The following TBCK variants were observed in gnomAD, a reference collection of about 807,000 sequenced individuals.
The protein encoded by TBCK is TBC domain-containing protein kinase-like protein.
In TBCK, 99 loss-of-function variants were observed where a neutral mutation model predicts 113.4. That is an observed-to-expected ratio of 0.87 (90% CI 0.74 to 1.03). The LOEUF (loss-of-function observed/expected upper bound fraction) is 1.03. Ranked by LOEUF, TBCK falls within the 50% of genes least tolerant of loss-of-function variation. TBCK has a pLI of 0.00. For synonymous variants in TBCK, 369 were observed against 370.8 expected (o/e 1.00, Z 0.05); for missense variants, 1,045 against 1,061.3 (o/e 0.98, Z 0.21).
At chr4:106,290,304 GGTA>G (rs1217605253) in intron 3 of TBCK, among the ~76,000 whole-genome samples, 1 of 151,822 alleles carries the variant, frequency 6.6e-6, no homozygotes, top group Non-Finnish European at 1.5e-5. Context: ...CAGCCTCCTG[GGTA>G]GCTGGGACTA....
In TBCK at chr4:106,232,935, T is replaced by C; in HGVS notation, c.1639+3A>G. Reference sequence around the variant, plus strand: ...GAGGAGTTTTAATGACTACAAAAGTTACCTTGCCAATACACAAGATCAGGA... The same window carrying C: ...GAGGAGTTTTAATGACTACAAAAGTCACCTTGCCAATACACAAGATCAGGA... On this transcript the variant is annotated splice_donor_region_variant and intron_variant, in intron 17 of 25. Coordinates refer to ENST00000394708, the MANE Select transcript of TBCK (RefSeq NM_001163435.3). 1 of 1,610,080 alleles carries C rather than the reference T, an allele frequency of 6.2e-7. No homozygotes were observed. The highest frequency in any genetic ancestry group is 8.5e-7 in the Non-Finnish European group (1 of 1,177,890).
intron 22 of TBCK, among the ~76,000 whole-genome samples, chr4:106,179,166 T>C (rs1360345038): frequency 6.6e-6 from 1 of 152,060 alleles, no homozygotes; most frequent in Non-Finnish European, 1.5e-5. Flanking sequence ...TAAAGGATTA[T>C]TGATTTTGCT....
chr4:106,092,254 C>T (rs1740353920), intron 25 of TBCK, among the ~76,000 whole-genome samples: 1 of 152,204 alleles, frequency 6.6e-6, no homozygotes. Flanking sequence ...ATACAGAGTG[C>T]TGATTGGTGT....
rs1759498501 is a variant in TBCK at position 106,236,581 on chromosome 4, T to A, written c.1221-62A>T. On this transcript the variant is annotated intron_variant, in intron 13 of 25. Coordinates refer to ENST00000394708, the MANE Select transcript of TBCK (RefSeq NM_001163435.3). ...GGACAAAAGGTACAAAATTTTCTTTTTTTTTCCTAACTCTACCAACAGTGA... is the reference window on the plus strand; with the variant it reads ...GGACAAAAGGTACAAAATTTTCTTTATTTTTCCTAACTCTACCAACAGTGA... The A allele has an allele frequency of 2.2e-6, 3 of 1,342,222 alleles. No homozygotes were observed. In the South Asian group the frequency reaches 6.9e-5, roughly 31 times the overall value. The allele number at this position is 1,342,222 out of a possible 1,614,324, so 83.1% of individuals were successfully genotyped here.
chr4:106,280,731 A>G (rs968306795), intron 3 of TBCK, among the ~76,000 whole-genome samples: 3 of 152,070 alleles, frequency 2.0e-5, no homozygotes, highest in Non-Finnish European at 4.4e-5. Context: ...GTAAAAATGA[A>G]TTCATTGTAA....
chr4:106,314,543 A>T (rs1337166519), intron 1 of TBCK, among the ~76,000 whole-genome samples: 4 of 152,052 alleles, frequency 2.6e-5, no homozygotes, highest in Non-Finnish European at 5.9e-5. Context: ...TTATCTTTGA[A>T]GAACAGTACT....
chr4:106,245,453 G>C (rs1760689086), intron 10 of TBCK, among the ~76,000 whole-genome samples: 2 of 152,128 alleles, frequency 1.3e-5, no homozygotes, highest in Non-Finnish European at 2.9e-5. Context: ...CTATGTGGTG[G>C]TTAAGGTATG....
chr4:106,309,738 T>C (rs978189027), intron 1 of TBCK, among the ~76,000 whole-genome samples: 1 of 152,170 alleles, frequency 6.6e-6, no homozygotes, highest in African/African-American at 2.4e-5. Context: ...TTATTAATAG[T>C]AGTAAAGCTT....
chr4:106,070,937 G>A (rs1008474180), intron 25 of TBCK, among the ~76,000 whole-genome samples: 1 of 152,136 alleles, frequency 6.6e-6, no homozygotes, highest in Non-Finnish European at 1.5e-5. Context: ...GTGTAGAGGT[G>A]TTTATAGTAT....
intron 1 of TBCK, among the ~76,000 whole-genome samples, chr4:106,313,690 C>A (rs1768434457): frequency 6.6e-6 from 1 of 152,142 alleles, no homozygotes; most frequent in Non-Finnish European, 1.5e-5. Flanking sequence ...TCAAATTAAA[C>A]AGAAAGCCAT....
intron 23 of TBCK, among the ~76,000 whole-genome samples, chr4:106,164,693 T>C (rs544222522): frequency 6.6e-6 from 1 of 151,890 alleles, no homozygotes; most frequent in South Asian, 2.1e-4. Context: ...AAAAATAATG[T>C]ATCTGGGTAC....
chr4:106,259,273 T>C (rs1762283255), intron 5 of TBCK, among the ~76,000 whole-genome samples: 1 of 151,464 alleles, frequency 6.6e-6, no homozygotes, highest in African/African-American at 2.4e-5. Context: ...AAAAAAAAAA[T>C]CAAATTAAGT....
At chr4:106,067,360 T>C (rs1040439728) in intron 25 of TBCK, among the ~76,000 whole-genome samples, 23 of 152,166 alleles carry the variant, frequency 1.5e-4, no homozygotes, top group African/African-American at 4.8e-4. Flanking sequence ...TGTTAGTGAA[T>C]AGAAATACAA....
chr4:106,129,908 A>T (rs994973517), intron 23 of TBCK, among the ~76,000 whole-genome samples: 1 of 152,196 alleles, frequency 6.6e-6, no homozygotes, highest in African/African-American at 2.4e-5. Context: ...GTGAGGTCAC[A>T]GTATTCATTC....
chr4:106,097,895 A>C (rs1447142177), intron 24 of TBCK, among the ~76,000 whole-genome samples: 1 of 152,096 alleles, frequency 6.6e-6, no homozygotes. Context: ...AAATAGAAGA[A>C]AATTTTTGAC....
At chr4:106,158,686 A>G (rs1749400588) in intron 23 of TBCK, among the ~76,000 whole-genome samples, 1 of 152,166 alleles carries the variant, frequency 6.6e-6, no homozygotes. Flanking sequence ...GAAAAGTCCT[A>G]GATCTGATGG....
At chr4:106,266,980 A>AT (rs11400547) in intron 3 of TBCK, among the ~76,000 whole-genome samples, 6,851 of 152,002 alleles carry the variant, frequency 0.045, 512 homozygotes, top group African/African-American at 0.15. Flanking sequence ...AAGATTTAGG[A>AT]TTAAGAGAAT....
intron 6 of TBCK, among the ~76,000 whole-genome samples, chr4:106,250,756 C>T (rs895396738): frequency 9.9e-5 from 15 of 152,016 alleles, no homozygotes; most frequent in Non-Finnish European, 2.1e-4. Flanking sequence ...GAGATCCACA[C>T]ATACCTGGAT....
chr4:106,223,315 C>A (rs1365198011), intron 19 of TBCK, among the ~76,000 whole-genome samples: 1 of 152,078 alleles, frequency 6.6e-6, no homozygotes, highest in Non-Finnish European at 1.5e-5. Context: ...GAGTTTTATA[C>A]CCCACCTTTG....
Sources: gnomAD v4.1 joint callset for allele counts (sites outside exome capture counted in the v4.1 genomes callset) on GRCh38, gnomAD v4.1.1 for gene constraint, MANE v1.5 for transcripts, NCBI Gene and HGNC (gene_info 2026-07-23, HGNC 2026-07-21) for gene names.